Variants in FNTB observed in about 807,000 individuals in gnomAD.
The protein encoded by FNTB is protein farnesyltransferase subunit beta.
A neutral mutation model predicts 59.4 loss-of-function variants in FNTB; 27 were observed. That is an observed-to-expected ratio of 0.45 (90% CI 0.34 to 0.63). The LOEUF (loss-of-function observed/expected upper bound fraction) is 0.63, where lower values mean the gene tolerates loss of function less well. Among genes scored for constraint, FNTB ranks in the 20% least tolerant of loss-of-function variants. The probability of loss-of-function intolerance (pLI) is 0.02; values close to 1 mark genes in which losing one functional copy is unlikely to be tolerated. For synonymous variants in FNTB, 230 were observed against 220.7 expected (o/e 1.04, Z -0.37); for missense variants, 449 against 559.6 (o/e 0.80, Z 1.99).
At chr14:65,024,573 C>T (rs538179167) in intron 4 of FNTB, among the ~76,000 whole-genome samples, 2 of 152,208 alleles carry the variant, frequency 1.3e-5, no homozygotes, top group South Asian at 2.1e-4. Flanking sequence ...GTAATTGGCA[C>T]GTAAGCTAGA....
rs59675237 is a variant in FNTB at position 64,995,280 on chromosome 14, T to G, written c.144+8183T>G. ...TCCTCCTGAAGGACCTGCCTCAAGC[T>G]GTTTTATAGTTAATTTTTTAAATAA... On this transcript the variant is annotated intron_variant, in intron 1 of 11. Transcript: ENST00000246166. 3.6e-3 allele frequency among the ~76,000 whole-genome samples: 545 copies of G among 152,284 alleles called. 3 individuals carry two copies. The highest frequency in any genetic ancestry group is 0.013 in the African/African-American group (521 of 41,544).
rs549760452 is a variant in FNTB at position 65,005,076 on chromosome 14, A to G, written c.209+763A>G. ...GGGAAGTTTGAGTTTCTCCATGCCTACTCCCTGTTGGTAATTGTGTTCCAT... is the reference window on the plus strand; with the variant it reads ...GGGAAGTTTGAGTTTCTCCATGCCTGCTCCCTGTTGGTAATTGTGTTCCAT... On this transcript the variant is annotated intron_variant, in intron 2 of 11. Coordinates refer to ENST00000246166, the MANE Select transcript of FNTB (RefSeq NM_002028.4). Among the ~76,000 whole-genome samples the G allele has an allele frequency of 6.4e-4, 97 of 152,132 alleles. 1 individual carries two copies. Among genetic ancestry groups the G allele is most frequent in the Non-Finnish European group, 2.1e-4 (14 of 68,006 alleles).
At chr14:65,013,002 G>A (rs1030294613) in intron 3 of FNTB, among the ~76,000 whole-genome samples, 3 of 152,194 alleles carry the variant, frequency 2.0e-5, no homozygotes, top group African/African-American at 7.2e-5. Context: ...ACTGGGTGAC[G>A]GTGGAGGGGA....
intron 9 of FNTB, among the ~76,000 whole-genome samples, chr14:65,051,057 G>A (rs2062596079): frequency 6.6e-6 from 1 of 152,266 alleles, no homozygotes; most frequent in Non-Finnish European, 1.5e-5. Context: ...TAGTGCAAGT[G>A]TATCAAAGCA....
chr14:65,032,691 A>T lies in FNTB; in HGVS notation c.687A>T (p.Ile229=). ...TCTTTGAGGGCACTGCTGAATGGAT[A>T]GCAAGGTGAGAGAAGCCAGGGTTTC... is the stretch of plus-strand genomic sequence containing the variant. ...PDLFEGTAEW[I]ARCQNWEGGI... is the part of the protein sequence containing the mutation. The change falls in exon 7 of 12, where the codon ATA becomes ATT. Residue 229 remains isoleucine, a synonymous_variant. Coordinates refer to ENST00000246166, the MANE Select transcript of FNTB (RefSeq NM_002028.4). The surrounding 1 kb of genome is among the most constrained non-coding windows in gnomAD (Gnocchi z 5.0). 6.2e-7 allele frequency: 1 copy of T among 1,613,554 alleles called. No homozygotes were observed.
intron 1 of FNTB, among the ~76,000 whole-genome samples, chr14:65,000,286 G>A (rs912421597): frequency 6.6e-6 from 1 of 152,148 alleles, no homozygotes; most frequent in Non-Finnish European, 1.5e-5. Context: ...TGCATCTGTG[G>A]ATTCAGCCAA....
At chr14:65,013,954 A>G (rs1471332855) in intron 3 of FNTB, among the ~76,000 whole-genome samples, 1 of 152,248 alleles carries the variant, frequency 6.6e-6, no homozygotes, top group Non-Finnish European at 1.5e-5. Flanking sequence ...TCAAAGGCAC[A>G]TAGCGAGTAA....
intron 1 of FNTB, among the ~76,000 whole-genome samples, chr14:64,995,741 G>A (rs1284788633): frequency 2.7e-5 from 4 of 149,914 alleles, no homozygotes; most frequent in African/African-American, 9.9e-5. Flanking sequence ...ATATACATGT[G>A]TGCATATAAG....
At chr14:65,003,979 C>T (rs183526614) in intron 1 of FNTB, among the ~76,000 whole-genome samples, 28 of 152,292 alleles carry the variant, frequency 1.8e-4, no homozygotes, top group Non-Finnish European at 3.1e-4. Flanking sequence ...TAACTGGTGC[C>T]AGGGAACCAA....
Position 65,012,268 on chromosome 14 carries a change from T to C in FNTB, c.210-49T>C, listed in dbSNP as rs1566868834. 6.2e-7 allele frequency: 1 copy of C among 1,611,826 alleles called. No homozygotes were observed. Reference sequence around the variant, plus strand: ...TGTACGTGCACATACGTGTGTATGGTGGAAGCATAAGCTATTAGAATGGGC... The same window carrying C: ...TGTACGTGCACATACGTGTGTATGGCGGAAGCATAAGCTATTAGAATGGGC... On this transcript the variant is annotated intron_variant, in intron 2 of 11. Transcript: ENST00000246166. The surrounding 1 kb of genome is among the most constrained non-coding windows in gnomAD (Gnocchi z 5.0).
chr14:65,052,292 A>G (rs2062634211), intron 9 of FNTB, among the ~76,000 whole-genome samples: 1 of 152,202 alleles, frequency 6.6e-6, no homozygotes, highest in African/African-American at 2.4e-5. Context: ...AGTTATAATA[A>G]CTAGGTAGAA....
intron 11 of FNTB, among the ~76,000 whole-genome samples, chr14:65,055,584 T>C (rs1035156304): frequency 9.9e-5 from 15 of 152,056 alleles, no homozygotes; most frequent in Non-Finnish European, 2.1e-4. Context: ...TGGCATGATA[T>C]TGGCTCACTG....
chr14:65,005,491 TTC>T (rs1414404353), intron 2 of FNTB, among the ~76,000 whole-genome samples: 1 of 138,090 alleles, frequency 7.2e-6, no homozygotes, highest in Non-Finnish European at 1.5e-5. Flanking sequence ...CTTTCTTTCT[TTC>T]TTTCTTTCTT....
intron 4 of FNTB, among the ~76,000 whole-genome samples, chr14:65,017,484 G>A (rs1001356077): frequency 1.3e-5 from 2 of 152,232 alleles, no homozygotes; most frequent in Non-Finnish European, 1.5e-5. Context: ...AGCCAAAATC[G>A]ACTGAGTTTT....
chr14:65,003,315 A>G (rs985048018), intron 1 of FNTB: 7 of 152,216 alleles, frequency 4.6e-5, no homozygotes, highest in African/African-American at 1.4e-4. Flanking sequence ...TACAATAAGA[A>G]GCATGACTGT....
chr14:64,995,426 A>G (rs1213656784), intron 1 of FNTB, among the ~76,000 whole-genome samples: 1 of 152,180 alleles, frequency 6.6e-6, no homozygotes, highest in Admixed American at 6.5e-5. Context: ...TTATACTTTT[A>G]TAACACTGAC....
chr14:65,055,112 A>G (rs1193866880), intron 11 of FNTB, among the ~76,000 whole-genome samples: 4 of 152,230 alleles, frequency 2.6e-5, no homozygotes, highest in African/African-American at 9.6e-5. Context: ...CTCTTCAGAG[A>G]ATGAGATCCC....
Position 65,029,149 on chromosome 14 carries a change from G to T in FNTB, c.605+1368G>T, listed in dbSNP as rs1391343286. 6.6e-6 allele frequency among the ~76,000 whole-genome samples: 1 copy of T among 152,146 alleles called. No homozygotes were observed. The highest frequency in any genetic ancestry group is 2.4e-5 in the African/African-American group (1 of 41,420). On this transcript the variant is annotated intron_variant, in intron 6 of 11. Transcript: ENST00000246166. The surrounding 1 kb of genome is among the most constrained non-coding windows in gnomAD (Gnocchi z 4.7). ...ACCTTTGCTCTTTGGGTGATGCTCT[G>T]CCATTCGTGCCCGTGCTTTCTATTT...
At chr14:65,035,825 C>T (rs777580109) in intron 7 of FNTB, among the ~76,000 whole-genome samples, 6 of 151,818 alleles carry the variant, frequency 4.0e-5, no homozygotes, top group Middle Eastern at 3.4e-3. Flanking sequence ...TGAGCCACTG[C>T]GCCCAGCTTT....
Sources: gnomAD v4.1 joint callset for allele counts (sites outside exome capture counted in the v4.1 genomes callset) on GRCh38, gnomAD v4.1.1 for gene constraint, Gnocchi (gnomAD v3.1) non-coding constraint, MANE v1.5 for transcripts, NCBI Gene and HGNC (gene_info 2026-07-23, HGNC 2026-07-21) for gene names.